Variants in RARB observed in about 807,000 individuals in gnomAD.
The protein encoded by RARB is HBV-activated protein.
In RARB, 17 loss-of-function variants were observed where a neutral mutation model predicts 51.9. That is an observed-to-expected ratio of 0.33 (90% confidence interval 0.22 to 0.49). The LOEUF is 0.49. Ranked by LOEUF, RARB falls within the 20% of genes least tolerant of loss-of-function variation. The pLI is 0.99. For synonymous variants in RARB, 215 were observed against 195.4 expected (o/e 1.10, Z -0.84); for missense variants, 369 against 550.8 (o/e 0.67, Z 3.30).
At chr3:25,181,057 C>T (rs1700850694) in intron 5 of RARB, among the ~76,000 whole-genome samples, 1 of 152,156 alleles carries the variant, frequency 6.6e-6, no homozygotes, top group African/African-American at 2.4e-5. Context: ...TTGAACTCTT[C>T]TTGTTATGAC....
At chr3:25,226,475 A>G (rs1288272369) in intron 5 of RARB, among the ~76,000 whole-genome samples, 3 of 152,198 alleles carry the variant, frequency 2.0e-5, no homozygotes, top group Admixed American at 1.3e-4. Flanking sequence ...TTTTTCAAGT[A>G]TGTATTTTGT....
At chr3:24,910,001 T>G (rs919280847) in intron 2 of RARB, among the ~76,000 whole-genome samples, 6 of 152,204 alleles carry the variant, frequency 3.9e-5, no homozygotes, top group African/African-American at 1.4e-4. Context: ...TTTTAATTGT[T>G]CTAGCCAGAG....
At chr3:25,322,840 A>G (rs1386134472) in intron 5 of RARB, among the ~76,000 whole-genome samples, 1 of 152,206 alleles carries the variant, frequency 6.6e-6, no homozygotes, top group African/African-American at 2.4e-5. Context: ...TCCCTGCTCT[A>G]AATAGTTCTA....
intron 2 of RARB, among the ~76,000 whole-genome samples, chr3:24,986,688 G>C (rs1163883011): frequency 6.6e-6 from 1 of 152,170 alleles, no homozygotes; most frequent in Non-Finnish European, 1.5e-5. Context: ...ATTTCTGGGA[G>C]ATTGCAGCGT....
At chr3:25,181,933 C>A (rs1190815578) in intron 5 of RARB, among the ~76,000 whole-genome samples, 2 of 152,158 alleles carry the variant, frequency 1.3e-5, no homozygotes, top group East Asian at 1.9e-4. Flanking sequence ...TCTAATTCTG[C>A]ATAGAGGGGC....
intron 5 of RARB, among the ~76,000 whole-genome samples, chr3:25,209,762 A>G (rs773778752): frequency 6.6e-6 from 1 of 152,120 alleles, no homozygotes; most frequent in Non-Finnish European, 1.5e-5. Context: ...CAGACTTGCA[A>G]TGCAGTCCTA....
At chr3:25,285,375 A>C (rs748810204) in intron 5 of RARB, among the ~76,000 whole-genome samples, 1 of 152,236 alleles carries the variant, frequency 6.6e-6, no homozygotes. Context: ...CTAGGAAGAG[A>C]GGAGAGAGAG....
chr3:25,521,972 T>A (rs1353707963), intron 3 of RARB, among the ~76,000 whole-genome samples: 1 of 151,684 alleles, frequency 6.6e-6, no homozygotes, highest in East Asian at 1.9e-4. Context: ...GTGCCAAGAT[T>A]GACTTCTCTT....
chr3:25,044,484 TA>T (rs1429007697), intron 2 of RARB, among the ~76,000 whole-genome samples: 5 of 151,824 alleles, frequency 3.3e-5, no homozygotes, highest in East Asian at 1.9e-4. Context: ...TATTTAGGGC[TA>T]AAAAAAACAA....
At chr3:24,963,142 T>A (rs1696177788) in intron 2 of RARB, among the ~76,000 whole-genome samples, 1 of 152,124 alleles carries the variant, frequency 6.6e-6, no homozygotes, top group Non-Finnish European at 1.5e-5. Flanking sequence ...ATTTTTAAAC[T>A]GATTTGGTTT....
intron 2 of RARB, among the ~76,000 whole-genome samples, chr3:24,988,917 C>T (rs1316816140): frequency 6.6e-6 from 1 of 152,168 alleles, no homozygotes; most frequent in East Asian, 1.9e-4. Context: ...CCTCCGCTTC[C>T]CAGGCTCAAG....
At chr3:25,265,856 G>A (rs1003990071) in intron 5 of RARB, among the ~76,000 whole-genome samples, 1 of 152,166 alleles carries the variant, frequency 6.6e-6, no homozygotes, top group African/African-American at 2.4e-5. Flanking sequence ...GCAGGGCTGG[G>A]TTCCCTTTGA....
At chr3:25,486,406 T>A (rs1039678842) in intron 2 of RARB, among the ~76,000 whole-genome samples, 1 of 152,192 alleles carries the variant, frequency 6.6e-6, no homozygotes, top group African/African-American at 2.4e-5. Context: ...TTTGGACTTC[T>A]ACTTGGGTAG....
At chr3:25,047,412 G>A (rs1698239606) in intron 2 of RARB, among the ~76,000 whole-genome samples, 1 of 152,016 alleles carries the variant, frequency 6.6e-6, no homozygotes, top group Admixed American at 6.5e-5. Flanking sequence ...AGGAAAAGCT[G>A]GGGGATTCAT....
At chr3:25,578,449 G>C (rs1394677809) in intron 4 of RARB, among the ~76,000 whole-genome samples, 2 of 152,194 alleles carry the variant, frequency 1.3e-5, no homozygotes, top group Non-Finnish European at 2.9e-5. Flanking sequence ...TGAAGGTTTC[G>C]TTCACACTTG....
At chr3:25,127,491 G>A (rs549760146) in intron 3 of RARB, among the ~76,000 whole-genome samples, 4 of 152,154 alleles carry the variant, frequency 2.6e-5, no homozygotes, top group South Asian at 4.2e-4. Context: ...TTCATCTATC[G>A]GCTTTGTTTC....
At chr3:25,304,989 C>T (rs1704122598) in intron 5 of RARB, among the ~76,000 whole-genome samples, 1 of 152,012 alleles carries the variant, frequency 6.6e-6, no homozygotes, top group Non-Finnish European at 1.5e-5. Flanking sequence ...GTTGCTGTAC[C>T]CTACAGGTGC....
intron 2 of RARB, among the ~76,000 whole-genome samples, chr3:24,996,597 A>G (rs1163224119): frequency 6.6e-6 from 1 of 152,052 alleles, no homozygotes; most frequent in African/African-American, 2.4e-5. Context: ...ATTGCTATAA[A>G]CTTGCCTCTT....
intron 3 of RARB, among the ~76,000 whole-genome samples, chr3:25,124,793 T>G (rs575465633): frequency 1.2e-4 from 18 of 152,338 alleles, no homozygotes; most frequent in Middle Eastern, 3.4e-3. Context: ...ATTTGCCTCA[T>G]GTTTGTTGTC....
Sources: gnomAD v4.1 joint callset for allele counts (sites outside exome capture counted in the v4.1 genomes callset) on GRCh38, gnomAD v4.1.1 for gene constraint, MANE v1.5 for transcripts, NCBI Gene and HGNC (gene_info 2026-07-23, HGNC 2026-07-21) for gene names.